The following PDE10A variants were observed in gnomAD, a reference collection of about 807,000 sequenced individuals.
The protein encoded by PDE10A is cAMP and cAMP-inhibited cGMP 3',5'-cyclic phosphodiesterase 10A.
A neutral mutation model predicts 97.7 loss-of-function variants in PDE10A; 39 were observed. That is an observed-to-expected ratio of 0.40 (90% CI 0.31 to 0.52). PDE10A has a LOEUF of 0.52. Ranked by LOEUF, PDE10A falls within the 20% of genes least tolerant of loss-of-function variation. The pLI, the probability that PDE10A is intolerant of heterozygous loss-of-function variation, is 0.56. For synonymous variants in PDE10A, 371 were observed against 376.8 expected (o/e 0.98, Z 0.18); for missense variants, 731 against 1,047.8 (o/e 0.70, Z 4.17).
rs919518086 is a variant in PDE10A, at chr6:165,671,741, A to G, written c.-614-128173T>C. 2.0e-5 allele frequency among the ~76,000 whole-genome samples: 3 copies of G among 152,124 alleles called. No individual in the cohort carries two copies. The highest frequency in any genetic ancestry group is 7.2e-5 in the African/African-American group (3 of 41,412). On this transcript the variant is annotated intron_variant, in intron 1 of 19. Coordinates refer to the PDE10A transcript ENST00000366882. This position sits in a 1 kb window ranked among gnomAD's most constrained non-coding sequence, Gnocchi z 4.6. Reference sequence around the variant, plus strand: ...ATATAGTGTGCTTTATATCATATATATGTGTGTGTTTACATATATACAGTG... The same window carrying G: ...ATATAGTGTGCTTTATATCATATATGTGTGTGTGTTTACATATATACAGTG...
chr6:165,899,586 T>A (rs7381738), intron 1 of PDE10A, among the ~76,000 whole-genome samples: 45,065 of 152,122 alleles, frequency 0.3, 7,662 homozygotes, highest in East Asian at 0.66. Flanking sequence ...GTGAGTGCTA[T>A]GCAGGAGCAG....
At chr6:165,763,454 C>T (rs1236803839) in intron 1 of PDE10A, among the ~76,000 whole-genome samples, 1 of 152,042 alleles carries the variant, frequency 6.6e-6, no homozygotes, top group Admixed American at 6.5e-5. Context: ...CCCCCAGTAG[C>T]CGGGATTACA....
intron 1 of PDE10A, among the ~76,000 whole-genome samples, chr6:165,965,184 G>A (rs1784475396): frequency 6.6e-6 from 1 of 152,216 alleles, no homozygotes. Flanking sequence ...GGTGAGGACT[G>A]GAATTAAGGC....
rs1472786259 is a variant in PDE10A, at chr6:165,661,903, G to A, written c.865+44C>T. 1 of 790,820 alleles carries A rather than the reference G, an allele frequency of 1.3e-6. No homozygotes were observed. Among genetic ancestry groups the A allele is most frequent in the East Asian group, 2.9e-5 (1 of 33,946 alleles). 49.0% of individuals were successfully genotyped at this position (790,820 alleles called of 1,614,324 possible). On this transcript the variant is annotated intron_variant, in intron 1 of 21. Coordinates refer to ENST00000539869, the MANE Select transcript of PDE10A (RefSeq NM_001385079.1). The surrounding 1 kb of genome is among the most constrained non-coding windows in gnomAD (Gnocchi z 4.8). ...AGCCCCCCACCTGCCCCCAGGGGAT[G>A]AGGAGCCGCCCCACCTCCGGGGAAC...
chr6:165,503,269 C>T (rs1343260659), intron 2 of PDE10A, among the ~76,000 whole-genome samples: 1 of 152,152 alleles, frequency 6.6e-6, no homozygotes, highest in East Asian at 1.9e-4. Context: ...TCCACATTTA[C>T]TAAGAACTTC....
At chr6:165,406,613 T>C (rs984694659) in intron 13 of PDE10A, among the ~76,000 whole-genome samples, 12 of 152,106 alleles carry the variant, frequency 7.9e-5, no homozygotes, top group Non-Finnish European at 1.5e-4. Flanking sequence ...CCGTCTTTGA[T>C]GGTTAATTCT....
intron 1 of PDE10A, among the ~76,000 whole-genome samples, chr6:165,569,713 C>T (rs1214829614): frequency 6.6e-6 from 1 of 152,184 alleles, no homozygotes; most frequent in Non-Finnish European, 1.5e-5. Flanking sequence ...AGGAAGAATG[C>T]TTCACAGGAA....
At chr6:165,749,279 TACCATCATCACCATC>T (rs1171696096) in intron 1 of PDE10A, among the ~76,000 whole-genome samples, 22 of 32,364 alleles carry the variant, frequency 6.8e-4, no homozygotes, top group African/African-American at 1.3e-3. Context: ...TCATCACCAT[TACCATCATCACCATC>T]ACCATCATCA....
At chr6:165,913,132 C>A (rs1466830395) in intron 1 of PDE10A, among the ~76,000 whole-genome samples, 1 of 152,086 alleles carries the variant, frequency 6.6e-6, no homozygotes, top group Admixed American at 6.6e-5. Flanking sequence ...ATATATGAAA[C>A]ATAAATAAGT....
At position 165,379,849 on chromosome 6, in the gene PDE10A, T is replaced by G. The variant is rs191890394; in HGVS notation, c.2611-483A>C. 1.6e-4 allele frequency among the ~76,000 whole-genome samples: 25 copies of G among 152,326 alleles called. No individual in the cohort carries two copies. In the East Asian group the frequency reaches 4.8e-3, roughly 29 times the overall value. ...AAAACATGCTTAATAGACAGTAATA[T>G]ATTTCTCTGTATCCTAGAAGAAAAT... On this transcript the variant is annotated intron_variant, in intron 17 of 21. Transcript: ENST00000539869.
chr6:165,653,755 C>G (rs1300362112), intron 1 of PDE10A, among the ~76,000 whole-genome samples: 1 of 152,236 alleles, frequency 6.6e-6, no homozygotes, highest in African/African-American at 2.4e-5. Flanking sequence ...CACTAAATAT[C>G]TGCATGTCAT....
intron 1 of PDE10A, among the ~76,000 whole-genome samples, chr6:165,715,915 TC>T (rs1414580368): frequency 5.3e-5 from 8 of 152,192 alleles, no homozygotes; most frequent in African/African-American, 1.9e-4. Context: ...GACAGTCAGG[TC>T]TCCTCTTCTT....
intron 1 of PDE10A, among the ~76,000 whole-genome samples, chr6:165,633,583 G>A (rs956661987): frequency 4.6e-5 from 7 of 152,152 alleles, no homozygotes; most frequent in Non-Finnish European, 1.0e-4. Context: ...AGGTCGTCTG[G>A]AGGAGTATTA....
intron 2 of PDE10A, among the ~76,000 whole-genome samples, chr6:165,540,391 G>A (rs1201112275): frequency 6.6e-6 from 1 of 152,122 alleles, no homozygotes; most frequent in East Asian, 1.9e-4. Context: ...ATGGGGTACA[G>A]TGTGTTACAC....
intron 2 of PDE10A, among the ~76,000 whole-genome samples, chr6:165,505,599 A>G (rs986808861): frequency 6.6e-6 from 1 of 152,200 alleles, no homozygotes; most frequent in African/African-American, 2.4e-5. Context: ...TGATGGTGCA[A>G]AGTTAATCGG....
At chr6:165,595,465 G>A (rs1300757630) in intron 1 of PDE10A, among the ~76,000 whole-genome samples, 1 of 152,190 alleles carries the variant, frequency 6.6e-6, no homozygotes, top group Non-Finnish European at 1.5e-5. Context: ...TCAAATGAAT[G>A]AAATTGAACA....
intron 18 of PDE10A, among the ~76,000 whole-genome samples, chr6:165,347,309 T>C (rs891372875): frequency 1.3e-5 from 2 of 152,180 alleles, no homozygotes; most frequent in Non-Finnish European, 2.9e-5. Context: ...GAAAATATTT[T>C]AAAATCTTAC....
intron 1 of PDE10A, among the ~76,000 whole-genome samples, chr6:165,715,316 G>C (rs1318006350): frequency 6.6e-6 from 1 of 152,196 alleles, no homozygotes; most frequent in Non-Finnish European, 1.5e-5. Flanking sequence ...TTAATAATAA[G>C]ATAAAAAACA....
At chr6:165,445,202 C>T (rs572000240) in intron 5 of PDE10A, among the ~76,000 whole-genome samples, 7 of 152,186 alleles carry the variant, frequency 4.6e-5, no homozygotes, top group Non-Finnish European at 7.4e-5. Context: ...CTATTGCCAG[C>T]GATACAGCAG....
Sources: gnomAD v4.1 joint callset for allele counts (sites outside exome capture counted in the v4.1 genomes callset) on GRCh38, gnomAD v4.1.1 for gene constraint, Gnocchi (gnomAD v3.1) non-coding constraint, MANE v1.5 for transcripts, NCBI Gene and HGNC (gene_info 2026-07-23, HGNC 2026-07-21) for gene names.